Variants in POLR1A observed in about 807,000 individuals in gnomAD.
POLR1A encodes RNA polymerase I subunit A.
Under a neutral mutation model 205.3 loss-of-function variants are expected in POLR1A, and 84 were observed. The ratio of observed to expected loss-of-function variants is 0.41; its 90% CI spans 0.34 to 0.49. POLR1A has a LOEUF of 0.49. Among genes scored for constraint, POLR1A ranks in the 20% least tolerant of loss-of-function variants. The pLI is 0.22. For missense variants in POLR1A, 1,645 were observed against 2,204.5 expected (o/e 0.75, Z 5.08); for synonymous variants, 799 against 863.7 (o/e 0.93, Z 1.31).
chr2:86,098,378 C>T (rs1673747137), intron 3 of POLR1A, among the ~76,000 whole-genome samples: 1 of 152,174 alleles, frequency 6.6e-6, no homozygotes, highest in African/African-American at 2.4e-5. Flanking sequence ...AGAAAATCAG[C>T]AAAAGCTCAT....
chr2:86,070,668 T>C lies in POLR1A; in HGVS notation c.1612-396A>G, dbSNP rs1260333512. 6.6e-6 allele frequency among the ~76,000 whole-genome samples: 1 copy of C among 150,620 alleles called. No individual in the cohort carries two copies. Among genetic ancestry groups the C allele is most frequent in the Non-Finnish European group, 1.5e-5 (1 of 67,814 alleles). On this transcript the variant is annotated intron_variant, in intron 12 of 33. Transcript: ENST00000263857. This position sits in a 1 kb window ranked among gnomAD's most constrained non-coding sequence, Gnocchi z 4.4. ...AAGACATAACCATAAAACCACTGGG[T>C]TTGAAAGGCATTGGCAGACTTTCGA...
intron 11 of POLR1A, among the ~76,000 whole-genome samples, chr2:86,077,314 A>C (rs1395087751): frequency 6.6e-6 from 1 of 152,208 alleles, no homozygotes; most frequent in Non-Finnish European, 1.5e-5. Flanking sequence ...GAGCACTAAC[A>C]GGTGAACAGC....
chr2:86,043,740 C>A (rs1247457104), intron 22 of POLR1A, among the ~76,000 whole-genome samples: 5 of 152,212 alleles, frequency 3.3e-5, no homozygotes, highest in Admixed American at 2.6e-4. Context: ...AATGCTGGCT[C>A]TGCCACTCAC....
At chr2:86,058,368 G>A (rs1209282945) in intron 14 of POLR1A, among the ~76,000 whole-genome samples, 1 of 150,446 alleles carries the variant, frequency 6.6e-6, no homozygotes, top group Non-Finnish European at 1.5e-5. Context: ...CAAAGTGCTG[G>A]GATTACAGGT....
chr2:86,081,573 G>T, intron 8 of POLR1A, 28 bp downstream of exon 8: 1 of 1,400,242 alleles, frequency 7.1e-7, no homozygotes, highest in Non-Finnish European at 1.0e-6. Flanking sequence ...TTTTTTTCAG[G>T]TGAAATAAGT....
intron 29 of POLR1A, 42 bp downstream of exon 29, chr2:86,032,230 G>T: frequency 7.5e-7 from 1 of 1,324,618 alleles, no homozygotes; most frequent in Non-Finnish European, 1.1e-6. Flanking sequence ...CAGGGAAGGG[G>T]GCTGGGACCA....
Position 86,047,192 on chromosome 2 carries a change from G to A in POLR1A, c.2706C>T (p.Ala902=). ...GCATCGTGTTCACAGTTGAACCTTT[G>A]GCTCCCGACTGCACCATCATCTGCA... ...NSLQMMVQSG[A]KGSTVNTMQI... Residue 902 remains alanine (A), a synonymous_variant, in exon 19 of 34, where the codon GCC becomes GCT. Coordinates refer to ENST00000263857, the MANE Select transcript of POLR1A (RefSeq NM_015425.6). 1 of 1,614,010 alleles carries A rather than the reference G, an allele frequency of 6.2e-7. No individual in the cohort carries two copies. The highest frequency in any genetic ancestry group is 8.5e-7 in the Non-Finnish European group (1 of 1,179,914).
At chr2:86,041,181 G>GTGTGTGTGTGTGTGTGTGTA in intron 24 of POLR1A, among the ~76,000 whole-genome samples, 1 of 99,056 alleles carries the variant, frequency 1.0e-5, no homozygotes, top group African/African-American at 3.8e-5. Context: ...GTGTGTGTGT[G>GTGTGTGTGTGTGTGTGTGTA]TGTGTGTGTG....
At chr2:86,038,609 C>A in intron 27 of POLR1A, 91 bp downstream of exon 27, 1 of 1,312,718 alleles carries the variant, frequency 7.6e-7, no homozygotes, top group South Asian at 1.3e-5. Context: ...GGCACTCAAT[C>A]TCTAGGAGCC....
rs372563536 is a variant in POLR1A at position 86,027,309 on chromosome 2, G to A, written c.*114C>T. 31 of 859,186 alleles carry A rather than the reference G, an allele frequency of 3.6e-5. No individual in the cohort carries two copies. The highest frequency in any genetic ancestry group is 3.5e-4 in the African/African-American group (21 of 60,720). 53.2% of individuals were successfully genotyped at this position (859,186 alleles called of 1,614,324 possible). Reference sequence around the variant, plus strand: ...CAAGGTCGCTGCTGTGCTCTGTACTGTCACTTGGAACTGCCCTGGATTCCA... The same window carrying A: ...CAAGGTCGCTGCTGTGCTCTGTACTATCACTTGGAACTGCCCTGGATTCCA... On this transcript the variant is annotated 3_prime_UTR_variant, in exon 34 of 34. Coordinates refer to ENST00000263857, the MANE Select transcript of POLR1A (RefSeq NM_015425.6).
At chr2:86,042,396 TA>T (rs1672625619) in intron 23 of POLR1A, among the ~76,000 whole-genome samples, 1 of 152,170 alleles carries the variant, frequency 6.6e-6, no homozygotes. Context: ...CTGTTATGAT[TA>T]GGCTAGGACA....
intron 1 of POLR1A, among the ~76,000 whole-genome samples, chr2:86,102,011 C>A (rs545520573): frequency 6.6e-6 from 1 of 152,306 alleles, no homozygotes; most frequent in African/African-American, 2.4e-5. Flanking sequence ...CATGTATATA[C>A]CACATTTTAT....
intron 26 of POLR1A, 117 bp downstream of exon 26, chr2:86,039,210 A>T: frequency 8.8e-7 from 1 of 1,141,120 alleles, no homozygotes; most frequent in East Asian, 2.4e-5. Context: ...CTTATCTCTC[A>T]TTGGTGGGAA....
intron 9 of POLR1A, among the ~76,000 whole-genome samples, chr2:86,080,270 C>T (rs1314489369): frequency 6.6e-5 from 10 of 152,224 alleles, no homozygotes; most frequent in South Asian, 4.1e-4. Flanking sequence ...CTAATTAACC[C>T]GGCACACAGA....
At chr2:86,055,114 G>A (rs906384256) in intron 14 of POLR1A, among the ~76,000 whole-genome samples, 1 of 152,192 alleles carries the variant, frequency 6.6e-6, no homozygotes, top group Non-Finnish European at 1.5e-5. Flanking sequence ...GGCCAACATG[G>A]TGAAACCCCA....
chr2:86,059,660 C>T (rs937786983), intron 14 of POLR1A, among the ~76,000 whole-genome samples: 2 of 152,088 alleles, frequency 1.3e-5, no homozygotes, highest in African/African-American at 2.4e-5. Flanking sequence ...CTGCCTCCCA[C>T]GTTCAAGTGA....
chr2:86,072,938 A>G (rs1390696893), intron 12 of POLR1A, among the ~76,000 whole-genome samples: 2 of 152,188 alleles, frequency 1.3e-5, no homozygotes, highest in Non-Finnish European at 2.9e-5. Flanking sequence ...ACAGGCCAGG[A>G]GCAGTGGCTC....
At chr2:86,033,350 C>A (rs951507282) in intron 28 of POLR1A, among the ~76,000 whole-genome samples, 1 of 152,242 alleles carries the variant, frequency 6.6e-6, no homozygotes, top group Non-Finnish European at 1.5e-5. Flanking sequence ...GCTCAGCGCA[C>A]GCCATGACCT....
chr2:86,041,976 G>A lies in POLR1A; in HGVS notation c.3485C>T (p.Thr1162Ile). 6.2e-7 allele frequency: 1 copy of A among 1,614,160 alleles called. No individual in the cohort carries two copies. The highest frequency in any genetic ancestry group is 8.5e-7 in the Non-Finnish European group (1 of 1,179,996). The change falls in exon 24 of 34, where the codon ACA becomes ATA. Residue 1162 changes from threonine (T) to isoleucine (I), a missense_variant. Coordinates refer to ENST00000263857, the MANE Select transcript of POLR1A (RefSeq NM_015425.6). ...PDIYFASVSE[T>I]FETKVDDYSQ... ...GTAGTCATCAACCTTTGTTTCAAAT[G>A]TTTCTGACACTGATGCAAAGTAGAT...
Sources: gnomAD v4.1 joint callset for allele counts (sites outside exome capture counted in the v4.1 genomes callset) on GRCh38, gnomAD v4.1.1 for gene constraint, Gnocchi (gnomAD v3.1) non-coding constraint, MANE v1.5 for transcripts, NCBI Gene and HGNC (gene_info 2026-07-23, HGNC 2026-07-21) for gene names.